Variants in NDUFAF8 observed in about 807,000 individuals in gnomAD.
NDUFAF8 encodes the protein NADH:ubiquinone oxidoreductase complex assembly factor 8.
Under a neutral mutation model 9.9 loss-of-function variants are expected in NDUFAF8, and 9 were observed. The ratio of observed to expected loss-of-function variants is 0.91; its 90% CI spans 0.55 to 1.59. NDUFAF8 has a LOEUF of 1.59. Ranked by LOEUF, NDUFAF8 falls within the 40% of genes most tolerant of loss-of-function variation. The probability of loss-of-function intolerance (pLI) is 0.00; values close to 1 mark genes in which losing one functional copy is unlikely to be tolerated. For synonymous variants in NDUFAF8, 63 were observed against 51.2 expected, an observed-to-expected ratio of 1.23 and a Z score of -0.98; for missense variants, 114 against 113.8, an observed-to-expected ratio of 1.00 and a Z score of -0.01.
intron 2 of NDUFAF8, 84 bp from the exon 3 acceptor site, chr17:81,240,903 A>G: frequency 1.3e-6 from 2 of 1,505,862 alleles, no homozygotes; most frequent in Non-Finnish European, 1.8e-6. Flanking sequence ...ATTTGGTAGA[A>G]CACAACGTGT....
At position 81,240,681 on chromosome 17, in the gene NDUFAF8, A is replaced by AAAG. The variant is rs1555623921; in HGVS notation, c.196-306_196-305insAAG. 5.0e-5 allele frequency among the ~76,000 whole-genome samples: 7 copies of AAAG among 139,776 alleles called. No homozygotes were observed. The South Asian group carries it at 1.3e-3, about 26-fold the overall frequency. 91.7% of individuals were successfully genotyped at this position (139,776 alleles called of 152,430 possible). Reference sequence around the variant, plus strand: ...GAGACTGCATCTCAAAAAAAAAAAAAGGGGGGGGGCTCCTGCTTTCCCTCT... The same window carrying AAAG: ...GAGACTGCATCTCAAAAAAAAAAAAAAAGGGGGGGGGGCTCCTGCTTTCCCTCT... On this transcript the variant is annotated intron_variant, in intron 2 of 2. Transcript: ENST00000431388.
chr17:81,239,851 T>G, intron 2 of NDUFAF8, 173 bp downstream of exon 2: 3 of 706,102 alleles, frequency 4.2e-6, no homozygotes, highest in African/African-American at 1.8e-5. Flanking sequence ...ACCTCGGCCG[T>G]CCTGGGCTTG....
At chr17:81,240,526 A>C (rs2062806544) in intron 2 of NDUFAF8, 1 of 155,190 alleles carries the variant, frequency 6.4e-6, no homozygotes, top group African/African-American at 2.4e-5. Flanking sequence ...AGAAAAAAAA[A>C]ATTAGCCAGG....
chr17:81,239,954 G>T (rs1354738851), intron 2 of NDUFAF8: 3 of 521,824 alleles, frequency 5.7e-6, no homozygotes, highest in African/African-American at 4.0e-5. Context: ...GTAAGCTTTC[G>T]TGTTAGCACT....
intron 2 of NDUFAF8, among the ~76,000 whole-genome samples, chr17:81,240,613 G>A (rs1416431914): frequency 6.6e-6 from 1 of 150,914 alleles, no homozygotes; most frequent in East Asian, 2.0e-4. Flanking sequence ...AGGTTGCAGT[G>A]AGCCGAGATC....
chr17:81,239,775 T>G (rs1292487413), intron 2 of NDUFAF8, 97 bp downstream of exon 2: 1 of 1,297,846 alleles, frequency 7.7e-7, no homozygotes, highest in Non-Finnish European at 1.0e-6. Flanking sequence ...GTTCAAGGTT[T>G]GAGCGCCTGC....
Position 81,241,292 on chromosome 17 carries a change from T to C in NDUFAF8, c.*276T>C. 2.2e-6 allele frequency: 2 copies of C among 921,972 alleles called. No homozygotes were observed. The highest frequency in any genetic ancestry group is 2.9e-6 in the Non-Finnish European group (2 of 685,464). 57.1% of individuals were successfully genotyped at this position (921,972 alleles called of 1,614,324 possible). Reference sequence around the variant, plus strand: ...CGGTCAAATCCTGCAGCCTGGGGCTTACTGTGTGCAGACTGCAACATGTGG... The same window carrying C: ...CGGTCAAATCCTGCAGCCTGGGGCTCACTGTGTGCAGACTGCAACATGTGG... On this transcript the variant is annotated 3_prime_UTR_variant, in exon 3 of 3. Transcript: ENST00000431388.
chr17:81,239,740 C>T, intron 2 of NDUFAF8, 62 bp downstream of exon 2: 3 of 1,477,466 alleles, frequency 2.0e-6, no homozygotes, highest in East Asian at 2.5e-5. Context: ...CCAGCGGGCC[C>T]CGGCTTTCCT....
At chr17:81,240,098 T>A (rs971505951) in intron 2 of NDUFAF8, 9 of 233,314 alleles carry the variant, frequency 3.9e-5, no homozygotes, top group South Asian at 8.7e-5. Flanking sequence ...TCAGCACGTG[T>A]CCTGCGGGGA....
intron 2 of NDUFAF8, 39 bp from the exon 3 acceptor site, chr17:81,240,948 T>G (rs1362603500): frequency 6.2e-7 from 1 of 1,609,186 alleles, no homozygotes; most frequent in Non-Finnish European, 8.5e-7. Context: ...GTATCTAACT[T>G]GGAAGCAAGC....
At position 81,239,579 on chromosome 17, in the gene NDUFAF8, C is replaced by T. The variant is rs1338134549; in HGVS notation, c.96C>T (p.Tyr32=). The T allele has an allele frequency of 6.5e-7, 1 of 1,535,950 alleles. No homozygotes were observed. The change falls in exon 2 of 3, where the codon TAC becomes TAT. Residue 32 remains tyrosine, a synonymous_variant. Transcript: ENST00000431388. ...CGTCCTTTCCGCAGGCCGCGGCGTA[C>T]GGCAGGTGCGTGCAGGCCTCCACGG... ...LAACGAEAAA[Y]GRCVQASTAP...
Position 81,240,982 on chromosome 17 carries a change from T to C in NDUFAF8, c.196-5T>C. ...GCCATTCAGACAAAACACTTTATCT[T>C]GCAGGCCAAGAAGACGCTGGAGGGA... On this transcript the variant is annotated splice_region_variant and splice_polypyrimidine_tract_variant and intron_variant, in intron 2 of 2. Coordinates refer to ENST00000431388, the MANE Select transcript of NDUFAF8 (RefSeq NM_001086521.2). The C allele has an allele frequency of 6.2e-7, 1 of 1,613,140 alleles. No homozygotes were observed. The highest frequency in any genetic ancestry group is 1.1e-5 in the South Asian group (1 of 90,906).
intron 2 of NDUFAF8, 77 bp from the exon 3 acceptor site, chr17:81,240,910 G>C (rs368335720): frequency 5.3e-6 from 8 of 1,515,848 alleles, no homozygotes; most frequent in Middle Eastern, 1.7e-4. Context: ...AGAACACAAC[G>C]TGTGGTGTGG....
chr17:81,239,432 C>T lies in NDUFAF8; in HGVS notation c.69C>T (p.Ala23=), dbSNP rs978885560. ...SRLRAFPERL[A]ACGAEAAAYG... ...TCCGCGCCTTCCCCGAGCGGCTGGC[C>T]GCCTGCGGGGCCGAGGTGAGGAGCC... Residue 23 remains alanine, a synonymous_variant, in exon 1 of 3, where the codon GCC becomes GCT. Transcript: ENST00000431388. 41 of 1,360,550 alleles carry T rather than the reference C, an allele frequency of 3.0e-5. No homozygotes were observed. Among genetic ancestry groups the T allele is most frequent in the Non-Finnish European group, 3.7e-5 (39 of 1,057,010 alleles). 84.3% of individuals were successfully genotyped at this position (1,360,550 alleles called of 1,614,324 possible). A position where few individuals can be genotyped will look rare whatever the true frequency, so the allele number is the denominator to read the frequency against.
chr17:81,239,713 C>T, intron 2 of NDUFAF8, 35 bp downstream of exon 2: 1 of 1,520,688 alleles, frequency 6.6e-7, no homozygotes, highest in East Asian at 2.5e-5. Flanking sequence ...CCCTTCCCAG[C>T]CCTTCCCCTC....
chr17:81,240,189 G>C (rs1424204301), intron 2 of NDUFAF8: 1 of 174,410 alleles, frequency 5.7e-6, no homozygotes, highest in African/African-American at 2.4e-5. Flanking sequence ...GGTTCCCTAA[G>C]TGTCAGCCGC....
intron 2 of NDUFAF8, chr17:81,239,970 C>CG (rs1567915051): frequency 4.2e-6 from 2 of 475,130 alleles, no homozygotes; most frequent in Non-Finnish European, 7.6e-6. Flanking sequence ...GCACTGCCGC[C>CG]GGGGGGTGTC....
chr17:81,239,807 G>T, intron 2 of NDUFAF8, 129 bp downstream of exon 2: 1 of 1,024,838 alleles, frequency 9.8e-7, no homozygotes, highest in South Asian at 1.6e-5. Context: ...GACGCCGGCT[G>T]ACAAAATCAC....
At position 81,239,579 on chromosome 17, in the gene NDUFAF8, C is replaced by G. The variant is rs1338134549; in HGVS notation, c.96C>G (p.Tyr32Ter). Residue 32 changes from tyrosine (Y) to a stop codon, truncating the protein, a stop_gained, in exon 2 of 3, where the codon TAC becomes TAG. Transcript: ENST00000431388. LOFTEE classifies it high-confidence loss of function. ...LAACGAEAAA[Y>*]GRCVQASTAP... ...CGTCCTTTCCGCAGGCCGCGGCGTACGGCAGGTGCGTGCAGGCCTCCACGG... is the reference window on the plus strand; with the variant it reads ...CGTCCTTTCCGCAGGCCGCGGCGTAGGGCAGGTGCGTGCAGGCCTCCACGG... 1 of 1,535,832 alleles carries G rather than the reference C, an allele frequency of 6.5e-7. No individual in the cohort carries two copies. The highest frequency in any genetic ancestry group is 8.7e-7 in the Non-Finnish European group (1 of 1,145,082).
Sources: allele counts gnomAD v4.1 joint callset (sites outside exome capture counted in the v4.1 genomes callset), GRCh38; gene constraint gnomAD v4.1.1; transcripts MANE v1.5; gene names NCBI Gene and HGNC (gene_info 2026-07-23, HGNC 2026-07-21).